Variants in HS6ST3 observed in about 807,000 individuals in gnomAD.
HS6ST3 encodes heparan sulfate 6-O-sulfotransferase 3, also known as heparan-sulfate 6-O-sulfotransferase 3.
Under a neutral mutation model 36.7 loss-of-function variants are expected in HS6ST3, and 12 were observed. The observed-to-expected ratio is 0.33, with a 90% confidence interval of 0.21 to 0.53. The LOEUF is 0.53. HS6ST3 is among the 20% of genes least tolerant of loss of function. HS6ST3 has a pLI of 0.95. For missense variants in HS6ST3, 584 were observed against 640.9 expected (o/e 0.91, Z 0.96); for synonymous variants, 240 against 257.5 (o/e 0.93, Z 0.65).
At chr13:96,464,919 C>A (rs1397303543) in intron 1 of HS6ST3, among the ~76,000 whole-genome samples, 1 of 149,062 alleles carries the variant, frequency 6.7e-6, no homozygotes, top group Non-Finnish European at 1.5e-5. Flanking sequence ...ATAGTAAGTG[C>A]ATTATCTACT....
At chr13:96,599,236 C>A (rs1486765242) in intron 1 of HS6ST3, among the ~76,000 whole-genome samples, 2 of 151,964 alleles carry the variant, frequency 1.3e-5, no homozygotes, top group Non-Finnish European at 2.9e-5. Context: ...CTTTGAATAT[C>A]TGGTAGAGTT....
chr13:96,264,793 G>T (rs532346021), intron 1 of HS6ST3, among the ~76,000 whole-genome samples: 302 of 152,192 alleles, frequency 2.0e-3, no homozygotes, highest in African/African-American at 6.7e-3. Context: ...TATAAGGCTT[G>T]GTTTGTACAG....
At chr13:96,399,069 G>A (rs1020252916) in intron 1 of HS6ST3, among the ~76,000 whole-genome samples, 2 of 152,210 alleles carry the variant, frequency 1.3e-5, no homozygotes, top group Non-Finnish European at 2.9e-5. Context: ...GATAATACAT[G>A]TGTGTTGTTA....
intron 1 of HS6ST3, among the ~76,000 whole-genome samples, chr13:96,434,276 T>C (rs1254413111): frequency 6.6e-6 from 1 of 152,222 alleles, no homozygotes; most frequent in African/African-American, 2.4e-5. Context: ...TGGTGTATTA[T>C]GCCCCTAGGA....
intron 1 of HS6ST3, among the ~76,000 whole-genome samples, chr13:96,293,283 G>A (rs1566314014): frequency 6.6e-6 from 1 of 152,096 alleles, no homozygotes; most frequent in Non-Finnish European, 1.5e-5. Context: ...GAGTTTGCCT[G>A]TAATATTATG....
intron 1 of HS6ST3, among the ~76,000 whole-genome samples, chr13:96,695,459 G>A (rs1022859048): frequency 1.3e-5 from 2 of 151,930 alleles, no homozygotes; most frequent in South Asian, 2.1e-4. Flanking sequence ...TTTTTGTCTC[G>A]CTGTTTCTCC....
chr13:96,669,502 T>A (rs911203196), intron 1 of HS6ST3, among the ~76,000 whole-genome samples: 1 of 152,170 alleles, frequency 6.6e-6, no homozygotes, highest in Non-Finnish European at 1.5e-5. Flanking sequence ...GAGCTCACAT[T>A]GAGGAAGGCT....
chr13:96,727,966 A>C (rs1240795100), intron 1 of HS6ST3, among the ~76,000 whole-genome samples: 1 of 152,170 alleles, frequency 6.6e-6, no homozygotes, highest in African/African-American at 2.4e-5. Context: ...TTGTTTGATA[A>C]ATTTTATACA....
At chr13:96,396,705 G>C (rs7332928) in intron 1 of HS6ST3, among the ~76,000 whole-genome samples, 45,422 of 152,042 alleles carry the variant, frequency 0.3, 8,520 homozygotes, top group Non-Finnish European at 0.42. Context: ...AGCACTGCTT[G>C]TGTCCCTCCT....
chr13:96,756,226 G>A (rs1239038967), intron 1 of HS6ST3, among the ~76,000 whole-genome samples: 2 of 151,952 alleles, frequency 1.3e-5, no homozygotes, highest in Non-Finnish European at 2.9e-5. Context: ...TTTTGTTAAG[G>A]ATTTAGAAAA....
At chr13:96,362,149 C>G in intron 1 of HS6ST3, among the ~76,000 whole-genome samples, 1 of 152,092 alleles carries the variant, frequency 6.6e-6, no homozygotes, top group African/African-American at 2.4e-5. Context: ...ATTGAATAAG[C>G]CATTCTGGTC....
chr13:96,424,916 T>C (rs913538824), intron 1 of HS6ST3, among the ~76,000 whole-genome samples: 1 of 152,222 alleles, frequency 6.6e-6, no homozygotes, highest in African/African-American at 2.4e-5. Flanking sequence ...ACTAACCTAC[T>C]ATACACATCA....
chr13:96,141,877 A>G (rs2054033494), intron 1 of HS6ST3, among the ~76,000 whole-genome samples: 1 of 152,160 alleles, frequency 6.6e-6, no homozygotes, highest in African/African-American at 2.4e-5. Flanking sequence ...GAAGGGTGAC[A>G]TCTTTGAAAA....
chr13:96,231,396 G>C (rs1197809790), intron 1 of HS6ST3, among the ~76,000 whole-genome samples: 1 of 152,114 alleles, frequency 6.6e-6, no homozygotes, highest in Non-Finnish European at 1.5e-5. Flanking sequence ...AGTTTAATTG[G>C]CTGACGGTTC....
intron 1 of HS6ST3, among the ~76,000 whole-genome samples, chr13:96,656,389 T>G (rs2056624853): frequency 6.6e-6 from 1 of 152,178 alleles, no homozygotes; most frequent in African/African-American, 2.4e-5. Context: ...GAAGCCTCAT[T>G]TTATTTCTGT....
At chr13:96,324,134 A>T (rs929566115) in intron 1 of HS6ST3, among the ~76,000 whole-genome samples, 1 of 152,194 alleles carries the variant, frequency 6.6e-6, no homozygotes, top group African/African-American at 2.4e-5. Flanking sequence ...CAGAGAGGAA[A>T]CTGATAATGA....
rs182274970 is a variant in HS6ST3 at position 96,415,606 on chromosome 13, A to G, written c.707+324037A>G. Among the ~76,000 whole-genome samples the G allele has an allele frequency of 9.4e-4, 143 of 152,328 alleles. 2 individuals carry two copies. Among genetic ancestry groups the G allele is most frequent in the Admixed American group, 1.7e-3 (26 of 15,298 alleles). The stretch of plus-strand genomic sequence containing the variant: ...CTTGCATAGCTGTCTAGATGTGCAC[A>G]GTGGCATGGAAGACCTTTGATTGGC... On this transcript the variant is annotated intron_variant, in intron 1 of 1. Transcript: ENST00000376705.
At chr13:96,278,152 A>G (rs1353050521) in intron 1 of HS6ST3, among the ~76,000 whole-genome samples, 2 of 152,198 alleles carry the variant, frequency 1.3e-5, no homozygotes, top group Non-Finnish European at 2.9e-5. Context: ...CAGGAGTAGA[A>G]CTGCCAGTAG....
chr13:96,118,963 G>A (rs2053912130), intron 1 of HS6ST3, among the ~76,000 whole-genome samples: 1 of 151,008 alleles, frequency 6.6e-6, no homozygotes, highest in African/African-American at 2.4e-5. Context: ...ACCCGCCTCG[G>A]CCTCCCAAAG....
Sources: gnomAD v4.1 joint callset for allele counts (sites outside exome capture counted in the v4.1 genomes callset) on GRCh38, gnomAD v4.1.1 for gene constraint, MANE v1.5 for transcripts, NCBI Gene and HGNC (gene_info 2026-07-23, HGNC 2026-07-21) for gene names.